The following SAMD3 variants were observed in gnomAD, a reference collection of about 807,000 sequenced individuals.
The protein encoded by SAMD3 is sterile alpha motif domain-containing protein 3.
SAMD3 carries 63 observed loss-of-function variants against 58.5 expected under a neutral mutation model. The ratio of observed to expected loss-of-function variants is 1.08; its 90% CI spans 0.88 to 1.33. The LOEUF is 1.33. Ranked by LOEUF, SAMD3 falls within the 40% of genes most tolerant of loss-of-function variation. The pLI, the probability that SAMD3 is intolerant of heterozygous loss-of-function variation, is 0.00. For synonymous variants in SAMD3, 220 were observed against 210.3 expected, an observed-to-expected ratio of 1.05 and a Z score of -0.40; for missense variants, 604 against 608.4, an observed-to-expected ratio of 0.99 and a Z score of 0.08.
intron 2 of SAMD3, among the ~76,000 whole-genome samples, chr6:130,281,479 C>T (rs1513545): frequency 0.15 from 22,167 of 152,116 alleles, 2,041 homozygotes; most frequent in East Asian, 0.36. Context: ...TGAATGAATG[C>T]AATGTCCTCT....
intron 2 of SAMD3, among the ~76,000 whole-genome samples, chr6:130,254,968 T>C (rs547266831): frequency 6.6e-6 from 1 of 152,344 alleles, no homozygotes; most frequent in South Asian, 2.1e-4. Context: ...ACTGTGTTTG[T>C]GGCATTTCAT....
At chr6:130,198,723 A>G (rs914277623) in intron 5 of SAMD3, among the ~76,000 whole-genome samples, 1 of 152,132 alleles carries the variant, frequency 6.6e-6, no homozygotes, top group African/African-American at 2.4e-5. Context: ...TGAGGTGGAA[A>G]CCTCTGGAAA....
At chr6:130,185,007 A>G (rs761926233) in intron 5 of SAMD3, among the ~76,000 whole-genome samples, 10 of 152,276 alleles carry the variant, frequency 6.6e-5, no homozygotes, top group Non-Finnish European at 1.0e-4. Context: ...GGCCTACCAT[A>G]AAGTCTTAGC....
chr6:130,337,597 T>C (rs1399255497), intron 1 of SAMD3, among the ~76,000 whole-genome samples: 1 of 152,102 alleles, frequency 6.6e-6, no homozygotes, highest in East Asian at 1.9e-4. Context: ...GAAAGGAATA[T>C]GTGGGGAAGT....
chr6:130,181,348 C>G (rs1417650829), intron 7 of SAMD3, among the ~76,000 whole-genome samples: 1 of 152,128 alleles, frequency 6.6e-6, no homozygotes, highest in Admixed American at 6.5e-5. Flanking sequence ...CATTAATGTT[C>G]TCTGAAATTT....
intron 5 of SAMD3, among the ~76,000 whole-genome samples, chr6:130,192,856 C>A (rs1475798173): frequency 6.6e-6 from 1 of 152,212 alleles, no homozygotes; most frequent in Non-Finnish European, 1.5e-5. Context: ...AATTTCAAAT[C>A]CAGTAAGTGG....
In SAMD3 at chr6:130,146,031, T is replaced by C. The variant is rs1788595420; in HGVS notation, c.1174A>G (p.Thr392Ala). 2 of 1,569,672 alleles carry C rather than the reference T, an allele frequency of 1.3e-6. No individual in the cohort carries two copies. Among genetic ancestry groups the C allele is most frequent in the Non-Finnish European group, 8.6e-7 (1 of 1,160,758 alleles). ...TAACATTTCAACATGTCTTCATCTG[T>C]GTAATGTTTCATTTTTTCTTGCAAT... ...IVLQEKMKHYTDEDMLKYMKM... is the reference protein window; with the variant it reads ...IVLQEKMKHYADEDMLKYMKM... The change falls in exon 10 of 12, where the codon ACA (threonine) becomes GCA (alanine). Residue 392 changes from threonine (T) to alanine (A), a missense_variant. Transcript: ENST00000439090.
exon 1 of SAMD3, chr6:130,365,297 C>A: frequency 2.0e-6 from 2 of 985,404 alleles, no homozygotes; most frequent in Non-Finnish European, 2.4e-6. Context: ...CATCGAAGAC[C>A]CCCGTGCTTC....
chr6:130,242,423 C>T (rs1234618816), intron 2 of SAMD3, among the ~76,000 whole-genome samples: 2 of 152,206 alleles, frequency 1.3e-5, no homozygotes, highest in Non-Finnish European at 1.5e-5. Flanking sequence ...CTAAATTATA[C>T]ACGAAAAGTT....
chr6:130,357,209 C>G (rs1005449404), intron 1 of SAMD3, among the ~76,000 whole-genome samples: 2 of 148,432 alleles, frequency 1.3e-5, no homozygotes, highest in Non-Finnish European at 3.0e-5. Context: ...ACTGCAAGCT[C>G]CGCCTCCCGG....
intron 1 of SAMD3, among the ~76,000 whole-genome samples, chr6:130,344,625 A>C (rs1336715025): frequency 6.6e-6 from 1 of 151,872 alleles, no homozygotes; most frequent in African/African-American, 2.4e-5. Context: ...CAAGTGACCT[A>C]CCCATCTCAG....
At chr6:130,292,602 T>TTGTG (rs1775413156) in intron 2 of SAMD3, among the ~76,000 whole-genome samples, 1 of 105,230 alleles carries the variant, frequency 9.5e-6, no homozygotes, top group Non-Finnish European at 2.1e-5. Flanking sequence ...CAACTCTTTT[T>TTGTG]TGTTTGTTTG....
chr6:130,319,307 G>C (rs570607761), intron 1 of SAMD3, among the ~76,000 whole-genome samples: 2 of 152,022 alleles, frequency 1.3e-5, no homozygotes, highest in Non-Finnish European at 2.9e-5. Flanking sequence ...AGAACTCCAA[G>C]CATAGGAAAC....
chr6:130,362,088 G>A (rs2115047894), intron 1 of SAMD3, among the ~76,000 whole-genome samples: 1 of 152,314 alleles, frequency 6.6e-6, no homozygotes, highest in South Asian at 2.1e-4. Flanking sequence ...TAGCTAAAAA[G>A]GCAGCATTTG....
At chr6:130,302,687 T>A (rs1158027560) in intron 2 of SAMD3, among the ~76,000 whole-genome samples, 1 of 152,202 alleles carries the variant, frequency 6.6e-6, no homozygotes, top group African/African-American at 2.4e-5. Flanking sequence ...TAAGTGACCA[T>A]CAGTGGTGGG....
At position 130,266,993 on chromosome 6, in the gene SAMD3, G is replaced by A. The variant is rs374749299; in HGVS notation, c.-187-44180C>T. ...TTTAGAAATCATCACTAATAAAACCGGTCAAGCCTTGACTATTCTAGCCCG... is the reference window on the plus strand; with the variant it reads ...TTTAGAAATCATCACTAATAAAACCAGTCAAGCCTTGACTATTCTAGCCCG... On this transcript the variant is annotated intron_variant, in intron 2 of 13. Coordinates refer to the SAMD3 transcript ENST00000368134. Among the ~76,000 whole-genome samples, 26 of 152,244 alleles carry A rather than the reference G, an allele frequency of 1.7e-4. No homozygotes were observed. The East Asian group carries it at 2.9e-3, about 17-fold the overall frequency.
At chr6:130,189,849 A>C (rs1793364835) in intron 5 of SAMD3, among the ~76,000 whole-genome samples, 1 of 152,260 alleles carries the variant, frequency 6.6e-6, no homozygotes, top group Admixed American at 6.5e-5. Flanking sequence ...TTTTGAAAAG[A>C]AGCCTACACT....
At chr6:130,245,604 T>C (rs770714943) in intron 2 of SAMD3, among the ~76,000 whole-genome samples, 8 of 152,348 alleles carry the variant, frequency 5.3e-5, no homozygotes, top group East Asian at 1.9e-4. Context: ...TGAGTGCACA[T>C]TGGTGGCCGC....
At chr6:130,172,098 T>C (rs1791305618) in intron 8 of SAMD3, among the ~76,000 whole-genome samples, 1 of 152,250 alleles carries the variant, frequency 6.6e-6, no homozygotes, top group African/African-American at 2.4e-5. Flanking sequence ...TGAGCCTATG[T>C]GTGTCTTTGC....
Sources: allele counts gnomAD v4.1 joint callset (sites outside exome capture counted in the v4.1 genomes callset), GRCh38; gene constraint gnomAD v4.1.1; transcripts MANE v1.5; gene names NCBI Gene and HGNC (gene_info 2026-07-23, HGNC 2026-07-21).